Variants in MAPK14 observed in about 807,000 individuals in gnomAD.
MAPK14 encodes mitogen-activated protein kinase 14, also known as CSAID-binding protein.
Under a neutral mutation model 49.6 loss-of-function variants are expected in MAPK14, and 16 were observed. That is an observed-to-expected ratio of 0.32 (90% CI 0.22 to 0.49). MAPK14 has a LOEUF of 0.49. MAPK14 is among the 20% of genes least tolerant of loss of function. MAPK14 has a pLI of 0.99. For synonymous variants in MAPK14, 142 were observed against 158.0 expected, an observed-to-expected ratio of 0.90 and a Z score of 0.76; for missense variants, 200 against 441.2, an observed-to-expected ratio of 0.45 and a Z score of 4.90.
At chr6:36,057,127 A>T (rs1445370820) in intron 2 of MAPK14, among the ~76,000 whole-genome samples, 2 of 152,204 alleles carry the variant, frequency 1.3e-5, no homozygotes, top group East Asian at 3.8e-4. Context: ...GTTTCTTGAA[A>T]TTTATTTCCT....
chr6:36,108,261 A>G, intron 11 of MAPK14, 119 bp from the exon 12 acceptor site: 1 of 729,624 alleles, frequency 1.4e-6, no homozygotes, highest in South Asian at 1.5e-5. Context: ...GCTGTGAGGT[A>G]GCCCATCAAA....
intron 8 of MAPK14, among the ~76,000 whole-genome samples, chr6:36,081,888 T>A (rs1581808342): frequency 6.6e-6 from 1 of 152,196 alleles, no homozygotes; most frequent in East Asian, 1.9e-4. Flanking sequence ...AGGATCTCTT[T>A]CCATTTATTT....
chr6:36,060,088 T>G (rs563392264), intron 3 of MAPK14, among the ~76,000 whole-genome samples: 69 of 152,260 alleles, frequency 4.5e-4, no homozygotes, highest in African/African-American at 1.5e-3. Context: ...AGTGGGGGGC[T>G]AGGGAAAATG....
At chr6:36,067,943 A>T (rs1331586784) in intron 3 of MAPK14, among the ~76,000 whole-genome samples, 2 of 152,220 alleles carry the variant, frequency 1.3e-5, no homozygotes, top group African/African-American at 2.4e-5. Flanking sequence ...GTACAAGCAG[A>T]TAACAATAAA....
chr6:36,033,156 A>G (rs1762606696), intron 1 of MAPK14, among the ~76,000 whole-genome samples: 1 of 152,196 alleles, frequency 6.6e-6, no homozygotes, highest in African/African-American at 2.4e-5. Context: ...TTTGTAACCA[A>G]AAGTAAGGTA....
chr6:36,059,249 T>C, intron 2 of MAPK14, 40 bp from the exon 3 acceptor site: 1 of 1,299,144 alleles, frequency 7.7e-7, no homozygotes, highest in Non-Finnish European at 1.1e-6. Flanking sequence ...ATACTGAGTT[T>C]AATATTTATT....
chr6:36,035,415 C>G (rs1762706617), intron 1 of MAPK14, among the ~76,000 whole-genome samples: 2 of 152,316 alleles, frequency 1.3e-5, no homozygotes, highest in South Asian at 4.1e-4. Flanking sequence ...TGTTCCCTCT[C>G]TCCATCTCCT....
At position 36,036,674 on chromosome 6, in the gene MAPK14, G is replaced by C. The variant is rs139825117; in HGVS notation, c.116+8401G>C. Among the ~76,000 whole-genome samples the C allele has an allele frequency of 6.4e-4, 97 of 152,252 alleles. 1 individual carries two copies. Among genetic ancestry groups the C allele is most frequent in the Admixed American group, 4.5e-3 (68 of 15,274 alleles). ...AACACTGAGACAAGACCCTCCACCA[G>C]CAAGAAGATAATAACTTGCTGAAGG... On this transcript the variant is annotated intron_variant, in intron 1 of 11. Coordinates refer to ENST00000229794, the MANE Select transcript of MAPK14 (RefSeq NM_139012.3).
chr6:36,056,194 GT>G (rs1457541779), intron 2 of MAPK14, among the ~76,000 whole-genome samples: 1 of 152,070 alleles, frequency 6.6e-6, no homozygotes, highest in African/African-American at 2.4e-5. Flanking sequence ...GCTTCAGATA[GT>G]TTGCTTAGGT....
At chr6:36,092,267 G>A in intron 8 of MAPK14, 3 of 579,088 alleles carry the variant, frequency 5.2e-6, no homozygotes, top group Non-Finnish European at 3.4e-6. Flanking sequence ...TAGACCACTG[G>A]AGAACATTCA....
At chr6:36,088,903 A>G (rs934904527) in intron 8 of MAPK14, among the ~76,000 whole-genome samples, 1 of 152,170 alleles carries the variant, frequency 6.6e-6, no homozygotes, top group Non-Finnish European at 1.5e-5. Flanking sequence ...AAAGTCAAGA[A>G]ACAACAGATG....
At chr6:36,041,031 A>T (rs1271457616) in intron 1 of MAPK14, among the ~76,000 whole-genome samples, 3 of 152,120 alleles carry the variant, frequency 2.0e-5, no homozygotes, top group Non-Finnish European at 2.9e-5. Flanking sequence ...GATCTCAGGT[A>T]GCAGTAACTC....
chr6:36,078,877 G>C (rs748576428), intron 8 of MAPK14, among the ~76,000 whole-genome samples: 3 of 152,070 alleles, frequency 2.0e-5, no homozygotes, highest in Non-Finnish European at 4.4e-5. Context: ...TGAACTATAC[G>C]GTCACTTGTG....
intron 7 of MAPK14, 26 bp downstream of exon 7, chr6:36,075,988 G>T (rs1402716828): frequency 6.2e-7 from 1 of 1,612,192 alleles, no homozygotes. Flanking sequence ...GTTATTTAGG[G>T]CCTTATTTAA....
At chr6:36,105,573 A>AAT (rs150518635) in intron 10 of MAPK14, among the ~76,000 whole-genome samples, 296 of 151,442 alleles carry the variant, frequency 2.0e-3, no homozygotes, top group African/African-American at 5.7e-3. Context: ...CCATCAGAAG[A>AAT]ATATATATAT....
At chr6:36,092,048 C>T (rs1015953770) in intron 8 of MAPK14, 2 of 475,468 alleles carry the variant, frequency 4.2e-6, no homozygotes, top group Non-Finnish European at 8.3e-6. Flanking sequence ...AGTGCTAGAG[C>T]ATGGGAATAG....
chr6:36,064,464 A>G lies in MAPK14; in HGVS notation c.305+5117A>G, dbSNP rs186352995. ...TCCCATCCCAGGTTTCTTATACTGA[A>G]TTCCTTATCTCTGCCTCATTCTTGA... On this transcript the variant is annotated intron_variant, in intron 3 of 11. Transcript: ENST00000229794. 8.1e-3 allele frequency among the ~76,000 whole-genome samples: 1,224 copies of G among 151,798 alleles called. 14 individuals carry two copies. Among genetic ancestry groups the G allele is most frequent in the Middle Eastern group, 0.031 (9 of 294 alleles).
At chr6:36,031,322 T>C (rs1762535462) in intron 1 of MAPK14, among the ~76,000 whole-genome samples, 1 of 152,074 alleles carries the variant, frequency 6.6e-6, no homozygotes, top group Non-Finnish European at 1.5e-5. Flanking sequence ...CCTGAAGTTG[T>C]TCTTTCAATG....
chr6:36,073,623 C>G (rs1219878204), intron 4 of MAPK14, 68 bp from the exon 5 acceptor site: 3 of 1,254,734 alleles, frequency 2.4e-6, no homozygotes, highest in Middle Eastern at 2.0e-4. Flanking sequence ...TGAAAATGTG[C>G]AGCAAATATG....
Sources: gnomAD v4.1 joint callset for allele counts (sites outside exome capture counted in the v4.1 genomes callset) on GRCh38, gnomAD v4.1.1 for gene constraint, MANE v1.5 for transcripts, NCBI Gene and HGNC (gene_info 2026-07-23, HGNC 2026-07-21) for gene names.